Variants in PPM1D observed in about 807,000 individuals in gnomAD.
PPM1D encodes protein phosphatase, Mg2+/Mn2+ dependent 1D, also known as protein phosphatase 1D.
PPM1D carries 52 observed loss-of-function variants against 58.3 expected under a neutral mutation model. That is an observed-to-expected ratio of 0.89 (90% CI 0.71 to 1.12). The LOEUF is 1.12. Ranked by LOEUF, PPM1D falls within the 50% of genes most tolerant of loss-of-function variation. PPM1D has a pLI of 0.00. For missense variants in PPM1D, 564 were observed against 777.2 expected, an observed-to-expected ratio of 0.73 and a Z score of 3.26; for synonymous variants, 278 against 285.1, an observed-to-expected ratio of 0.98 and a Z score of 0.25.
intron 2 of PPM1D, among the ~76,000 whole-genome samples, chr17:60,631,609 A>G (rs1302748801): frequency 2.6e-5 from 4 of 151,914 alleles, no homozygotes; most frequent in South Asian, 2.1e-4. Flanking sequence ...TGTCTCCAAA[A>G]AAAAAAGGGT....
chr17:60,650,725 G>A (rs1014784688), intron 4 of PPM1D, among the ~76,000 whole-genome samples: 1 of 152,266 alleles, frequency 6.6e-6, no homozygotes. Flanking sequence ...GAGGTAATTA[G>A]TTCAGACATA....
chr17:60,648,386 G>GT (rs201335786), intron 4 of PPM1D, among the ~76,000 whole-genome samples: 2,010 of 135,706 alleles, frequency 0.015, 18 homozygotes, highest in African/African-American at 0.028. Flanking sequence ...AAAATTTATC[G>GT]TTTTTTTTTT....
rs2143655092 is a variant in PPM1D, at chr17:60,623,591, G to A, written c.543G>A (p.Arg181=). 6.2e-7 allele frequency: 1 copy of A among 1,614,142 alleles called. No homozygotes were observed. Among genetic ancestry groups the A allele is most frequent in the East Asian group, 2.2e-5 (1 of 44,872 alleles). Residue 181 remains arginine, a synonymous_variant, in exon 2 of 6, where the codon CGG becomes CGA. Transcript: ENST00000305921. ...CAACTGCCAGTGTGGTCATCATTCG[G>A]GGCATGAAGATGTATGTAGCTCACG... ...SGTTASVVII[R]GMKMYVAHVG... is the part of the protein sequence containing the mutation.
At chr17:60,640,181 C>A (rs538644008) in intron 3 of PPM1D, among the ~76,000 whole-genome samples, 1 of 152,156 alleles carries the variant, frequency 6.6e-6, no homozygotes, top group East Asian at 1.9e-4. Context: ...CGTGGTTGCA[C>A]GCGCTTGTAG....
In PPM1D at chr17:60,647,972, C is replaced by T. The variant is rs780210629; in HGVS notation, c.907C>T (p.Pro303Ser). 1 of 1,613,682 alleles carries T rather than the reference C, an allele frequency of 6.2e-7. No homozygotes were observed. Among genetic ancestry groups the T allele is most frequent in the South Asian group, 1.1e-5 (1 of 91,062 alleles). ...EPDTSVHTLD[P>S]QKHKYIILGS... ...AGACACAAGTGTCCACACTCTTGAC[C>T]CTCAGAAGCACAAGTATATTATATT... The change falls in exon 4 of 6, where the codon CCT becomes TCT. Residue 303 changes from proline (P) to serine (S), a missense_variant. This residue lies in a region of PPM1D where 95 missense variants were observed against 232.6 expected (regional missense o/e 0.41). Coordinates refer to ENST00000305921, the MANE Select transcript of PPM1D (RefSeq NM_003620.4).
At chr17:60,623,463 C>A in intron 1 of PPM1D, 58 bp from the exon 2 acceptor site, 2 of 1,474,798 alleles carry the variant, frequency 1.4e-6, no homozygotes, top group Admixed American at 2.1e-5. Context: ...CATTTGTATC[C>A]TGACAGTGTA....
rs141426844 is a variant in PPM1D, at chr17:60,642,596, C to CT, written c.827-5295dup. Among the ~76,000 whole-genome samples, 243 of 152,086 alleles carry CT rather than the reference C, an allele frequency of 1.6e-3. 5 individuals carry two copies. In the East Asian group the frequency reaches 0.022, roughly 14 times the overall value. ...GCCCGAGCCTCTCGAGTAGCTGGGA[C>CT]TACAGGCGTGTGCCACCATGCCCAG... On this transcript the variant is annotated intron_variant, in intron 3 of 5. Coordinates refer to ENST00000305921, the MANE Select transcript of PPM1D (RefSeq NM_003620.4).
chr17:60,619,364 C>G (rs2030651582), intron 1 of PPM1D, among the ~76,000 whole-genome samples: 1 of 151,998 alleles, frequency 6.6e-6, no homozygotes, highest in African/African-American at 2.4e-5. Flanking sequence ...ATGTATCTCT[C>G]TGAGAGACTG....
intron 3 of PPM1D, among the ~76,000 whole-genome samples, chr17:60,645,596 A>G (rs1008356173): frequency 2.9e-5 from 4 of 138,948 alleles, no homozygotes; most frequent in African/African-American, 1.1e-4. Flanking sequence ...GTGTATATAT[A>G]TGTATATATA....
At chr17:60,608,891 G>A (rs991901925) in intron 1 of PPM1D, among the ~76,000 whole-genome samples, 1 of 151,474 alleles carries the variant, frequency 6.6e-6, no homozygotes, top group Non-Finnish European at 1.5e-5. Flanking sequence ...GGGACTACAG[G>A]CGCCCGCCAC....
At chr17:60,647,762 G>C (rs897221051) in intron 3 of PPM1D, 130 bp from the exon 4 acceptor site, 1 of 862,576 alleles carries the variant, frequency 1.2e-6, no homozygotes, top group African/African-American at 1.7e-5. Context: ...CATGAGAGGA[G>C]TTTGAATGTT....
chr17:60,631,932 A>G (rs1251945164), intron 2 of PPM1D, among the ~76,000 whole-genome samples: 1 of 152,078 alleles, frequency 6.6e-6, no homozygotes, highest in African/African-American at 2.4e-5. Flanking sequence ...TAATCCCAGC[A>G]CTTTGGGAGG....
chr17:60,608,724 A>AT (rs542791380), intron 1 of PPM1D, among the ~76,000 whole-genome samples: 104 of 151,034 alleles, frequency 6.9e-4, no homozygotes, highest in African/African-American at 2.4e-3. Flanking sequence ...CATCCTCACT[A>AT]TTTTTTTTAT....
At chr17:60,644,672 C>G (rs1397777174) in intron 3 of PPM1D, among the ~76,000 whole-genome samples, 1 of 152,166 alleles carries the variant, frequency 6.6e-6, no homozygotes, top group Non-Finnish European at 1.5e-5. Flanking sequence ...AAAACCAGCT[C>G]TATCCACAGA....
chr17:60,617,236 G>A (rs950091828), intron 1 of PPM1D, among the ~76,000 whole-genome samples: 2 of 151,918 alleles, frequency 1.3e-5, no homozygotes, highest in Non-Finnish European at 2.9e-5. Context: ...GTGAATGTAG[G>A]CATGAGCCAC....
At chr17:60,661,219 C>CA (rs373913706) in intron 5 of PPM1D, among the ~76,000 whole-genome samples, 8,139 of 47,594 alleles carry the variant, frequency 0.17, 731 homozygotes, top group African/African-American at 0.27. Context: ...AACTCCATCT[C>CA]AAAAAAAAAA....
Position 60,623,831 on chromosome 17 carries a change from G to C in PPM1D, c.701+82G>C, listed in dbSNP as rs7208331. ...TTACTAATGAAATTGACCTACTACT[G>C]TCCCTTTTACTGAAGTTACTTTCTT... On this transcript the variant is annotated intron_variant, in intron 2 of 5. Coordinates refer to ENST00000305921, the MANE Select transcript of PPM1D (RefSeq NM_003620.4). The C allele has an allele frequency of 9.3e-3, 12,610 of 1,352,028 alleles. 965 individuals carry two copies. The African/African-American group carries it at 0.16, about 17-fold the overall frequency. 83.8% of individuals were successfully genotyped at this position (1,352,028 alleles called of 1,614,324 possible). A position where few individuals can be genotyped will look rare whatever the true frequency, so the allele number is the denominator to read the frequency against.
chr17:60,658,766 A>G (rs1180945132), intron 5 of PPM1D, among the ~76,000 whole-genome samples: 1 of 151,974 alleles, frequency 6.6e-6, no homozygotes, highest in African/African-American at 2.4e-5. Flanking sequence ...GATCGAGACT[A>G]TCTTAGCCAA....
intron 1 of PPM1D, among the ~76,000 whole-genome samples, chr17:60,607,000 T>C (rs1359606315): frequency 7.1e-6 from 1 of 140,796 alleles, no homozygotes; most frequent in Non-Finnish European, 1.5e-5. Flanking sequence ...TTTTTTTTAA[T>C]TTTTTTTTTT....
Sources: gnomAD v4.1 joint callset for allele counts (sites outside exome capture counted in the v4.1 genomes callset) on GRCh38, gnomAD v4.1.1 for gene constraint, gnomAD v4.1.1 regional missense constraint, MANE v1.5 for transcripts, NCBI Gene and HGNC (gene_info 2026-07-23, HGNC 2026-07-21) for gene names.